Variants in LIN52 observed in about 807,000 individuals in gnomAD.
The protein encoded by LIN52 is lin-52 DREAM MuvB core complex component, also known as protein lin-52 homolog.
Under a neutral mutation model 18.5 loss-of-function variants are expected in LIN52, and 4 were observed. That is an observed-to-expected ratio of 0.22 (90% CI 0.11 to 0.49). The LOEUF is 0.49. Ranked by LOEUF, LIN52 falls within the 20% of genes least tolerant of loss-of-function variation. LIN52 has a pLI of 0.97. For missense variants in LIN52, 102 were observed against 139.5 expected, an observed-to-expected ratio of 0.73 and a Z score of 1.35; for synonymous variants, 34 against 45.5, an observed-to-expected ratio of 0.75 and a Z score of 1.02.
At chr14:74,144,012 C>T (rs1385906450) in intron 5 of LIN52, among the ~76,000 whole-genome samples, 1 of 151,950 alleles carries the variant, frequency 6.6e-6, no homozygotes, top group East Asian at 1.9e-4. Context: ...TACAAGATTC[C>T]ACATATGAGT....
At chr14:74,148,538 T>C (rs1197967123) in intron 5 of LIN52, among the ~76,000 whole-genome samples, 2 of 152,106 alleles carry the variant, frequency 1.3e-5, no homozygotes, top group Admixed American at 1.3e-4. Flanking sequence ...GGAAAAAGTC[T>C]TATAAAAAAA....
intron 5 of LIN52, among the ~76,000 whole-genome samples, chr14:74,175,738 ACACACACACACACC>A (rs1456014823): frequency 4.9e-5 from 7 of 142,302 alleles, no homozygotes; most frequent in East Asian, 4.0e-4. Flanking sequence ...ACACACACAC[ACACACACACACACC>A]CCCATTATAC....
intron 5 of LIN52, among the ~76,000 whole-genome samples, chr14:74,149,110 C>T (rs1429449290): frequency 1.3e-5 from 2 of 152,166 alleles, no homozygotes; most frequent in Non-Finnish European, 2.9e-5. Context: ...GGGCACAACT[C>T]ATTATTGAAG....
intron 5 of LIN52, chr14:74,192,888 A>G: frequency 6.4e-6 from 1 of 157,220 alleles, no homozygotes; most frequent in Non-Finnish European, 1.4e-5. Flanking sequence ...ACATTCTCAG[A>G]AAACTACAAC....
intron 5 of LIN52, among the ~76,000 whole-genome samples, chr14:74,160,501 A>G (rs1217797749): frequency 6.6e-6 from 1 of 152,242 alleles, no homozygotes; most frequent in African/African-American, 2.4e-5. Flanking sequence ...CCATATGCAT[A>G]TGGAGATTTC....
intron 5 of LIN52, among the ~76,000 whole-genome samples, chr14:74,144,257 G>T (rs2061144878): frequency 6.6e-6 from 1 of 151,822 alleles, no homozygotes; most frequent in Non-Finnish European, 1.5e-5. Context: ...CAAGTAGCTG[G>T]TGTGGGAGCC....
chr14:74,157,906 A>G (rs2061206606), intron 5 of LIN52, among the ~76,000 whole-genome samples: 1 of 152,114 alleles, frequency 6.6e-6, no homozygotes, highest in South Asian at 2.1e-4. Flanking sequence ...GTCTCAGATT[A>G]AGGGCTTTGT....
chr14:74,119,037 C>T (rs1431192120), intron 5 of LIN52, among the ~76,000 whole-genome samples: 1 of 152,094 alleles, frequency 6.6e-6, no homozygotes, highest in Non-Finnish European at 1.5e-5. Context: ...AAGAAGTTAC[C>T]ACAATTTATT....
Position 74,095,982 on chromosome 14 carries a change from A to AAGTGTAAGTAATATCCCTT in LIN52, c.131_132+17dup. On this transcript the variant is annotated frameshift_variant, in exon 3 of 6. Transcript: ENST00000555028. LOFTEE classifies it high-confidence loss of function. The stretch of plus-strand genomic sequence containing the variant: ...TTGCTGAATTTGCAGCTTCCTTCAA[A>AAGTGTAAGTAATATCCCTT]AGTGTAAGTAATATCCCTTACCTAC... 2 of 1,607,666 alleles carry AAGTGTAAGTAATATCCCTT rather than the reference A, an allele frequency of 1.2e-6. No individual in the cohort carries two copies. The highest frequency in any genetic ancestry group is 2.2e-5 in the South Asian group (2 of 90,138).
intron 5 of LIN52, among the ~76,000 whole-genome samples, chr14:74,189,514 C>T (rs1051311516): frequency 1.1e-4 from 17 of 152,132 alleles, no homozygotes; most frequent in African/African-American, 4.1e-4. Context: ...GAACACAGAT[C>T]TTTGGGGGTT....
At chr14:74,119,411 G>A (rs949670988) in intron 5 of LIN52, among the ~76,000 whole-genome samples, 1 of 151,920 alleles carries the variant, frequency 6.6e-6, no homozygotes, top group Non-Finnish European at 1.5e-5. Flanking sequence ...TGATCCGCCC[G>A]CCTTGGCCTC....
Position 74,137,647 on chromosome 14 carries a change from G to A in LIN52, c.283+36409G>A, listed in dbSNP as rs374243185. 1.8e-3 allele frequency among the ~76,000 whole-genome samples: 279 copies of A among 151,464 alleles called. 9 individuals are homozygous for A. Among genetic ancestry groups the A allele is most frequent in the Middle Eastern group, 3.2e-3 (1 of 316 alleles). On this transcript the variant is annotated intron_variant, in intron 5 of 5. Transcript: ENST00000555028. ...CCGAGTAGCTGGGATTACAGGCCAC[G>A]CACCACCATGCCTAACTAATTTTTG...
intron 2 of LIN52, 69 bp from the exon 3 acceptor site, chr14:74,095,879 A>C: frequency 1.0e-6 from 1 of 983,572 alleles, no homozygotes; most frequent in Non-Finnish European, 1.5e-6. Flanking sequence ...CTGTTTTCTT[A>C]TTATTTGGAT....
chr14:74,136,061 T>C (rs1447339322), intron 5 of LIN52, among the ~76,000 whole-genome samples: 1 of 152,196 alleles, frequency 6.6e-6, no homozygotes, highest in Non-Finnish European at 1.5e-5. Context: ...CTAATTCTAG[T>C]TTGAGGAAAC....
chr14:74,130,278 G>GTTTTTTTTTTTGTTTTTTT (rs2061055285), intron 5 of LIN52, among the ~76,000 whole-genome samples: 5 of 64,840 alleles, frequency 7.7e-5, no homozygotes, highest in East Asian at 4.6e-4. Context: ...GCATTTTTTG[G>GTTTTTTTTTTTGTTTTTTT]TTTTTTTTTT....
chr14:74,183,065 C>T (rs548457109), intron 5 of LIN52, among the ~76,000 whole-genome samples: 14 of 150,014 alleles, frequency 9.3e-5, no homozygotes, highest in African/African-American at 2.7e-4. Context: ...AATAAACATT[C>T]GTGACATGAA....
rs190823552 is a variant in LIN52 at position 74,093,021 on chromosome 14, G to C, written c.94+1715G>C. Among the ~76,000 whole-genome samples the C allele has an allele frequency of 2.7e-3, 411 of 151,898 alleles. 4 individuals carry two copies. Among genetic ancestry groups the C allele is most frequent in the African/African-American group, 9.7e-3 (404 of 41,494 alleles). ...GGCTGGAGTGCAATGGTGCAATCTC[G>C]GCTCACTGCAACGTCCGCCTCCCTG... On this transcript the variant is annotated intron_variant, in intron 2 of 5. Transcript: ENST00000555028.
intron 5 of LIN52, among the ~76,000 whole-genome samples, chr14:74,141,437 A>G (rs1250811970): frequency 9.9e-5 from 15 of 152,210 alleles, no homozygotes; most frequent in Admixed American, 8.5e-4. Context: ...CACTATATGG[A>G]TGTACCAATT....
intron 5 of LIN52, among the ~76,000 whole-genome samples, chr14:74,186,621 C>T (rs2061341774): frequency 6.6e-6 from 1 of 152,010 alleles, no homozygotes; most frequent in Non-Finnish European, 1.5e-5. Context: ...GGCAACAGAG[C>T]AAGACCCTGT....
Sources: gnomAD v4.1 joint callset for allele counts (sites outside exome capture counted in the v4.1 genomes callset) on GRCh38, gnomAD v4.1.1 for gene constraint, MANE v1.5 for transcripts, NCBI Gene and HGNC (gene_info 2026-07-23, HGNC 2026-07-21) for gene names.